Variants in MAGI3 observed in about 807,000 individuals in gnomAD.
MAGI3 encodes membrane-associated guanylate kinase, WW and PDZ domain-containing protein 3.
Under a neutral mutation model 121.8 loss-of-function variants are expected in MAGI3, and 43 were observed. That is an observed-to-expected ratio of 0.35 (90% confidence interval 0.28 to 0.46). MAGI3 has a LOEUF of 0.46. MAGI3 is among the 20% of genes least tolerant of loss of function. MAGI3 has a pLI of 1.00. For synonymous variants in MAGI3, 553 were observed against 639.3 expected (o/e 0.86, Z 2.04); for missense variants, 1,547 against 1,797.3 (o/e 0.86, Z 2.52).
intron 1 of MAGI3, chr1:113,404,467 CTAAT>C (rs1314045962): frequency 1.3e-5 from 2 of 152,028 alleles, no homozygotes; most frequent in African/African-American, 4.8e-5. Context: ...AAATTATTTC[CTAAT>C]TATTTGCCCA....
At chr1:113,565,411 T>C (rs1660401842) in intron 2 of MAGI3, among the ~76,000 whole-genome samples, 3 of 152,246 alleles carry the variant, frequency 2.0e-5, no homozygotes, top group African/African-American at 7.2e-5. Flanking sequence ...CTATTAAATA[T>C]ATTGCTTTTA....
At chr1:113,567,984 A>AT (rs1660501907) in intron 2 of MAGI3, among the ~76,000 whole-genome samples, 2 of 152,102 alleles carry the variant, frequency 1.3e-5, no homozygotes, top group Non-Finnish European at 2.9e-5. Flanking sequence ...TCTCAAAAGC[A>AT]TTATGCTAAG....
intron 5 of MAGI3, among the ~76,000 whole-genome samples, chr1:113,592,467 T>C (rs1485855573): frequency 6.6e-6 from 1 of 152,200 alleles, no homozygotes; most frequent in African/African-American, 2.4e-5. Flanking sequence ...AAGTTAAGCT[T>C]TTCTCAAGTG....
intron 6 of MAGI3, among the ~76,000 whole-genome samples, chr1:113,614,396 G>A (rs1033112840): frequency 2.0e-5 from 3 of 152,060 alleles, no homozygotes; most frequent in African/African-American, 7.2e-5. Flanking sequence ...GCCATCTTCT[G>A]TTCTGGGCTT....
At chr1:113,415,669 A>G (rs1220539325) in intron 1 of MAGI3, among the ~76,000 whole-genome samples, 3 of 151,998 alleles carry the variant, frequency 2.0e-5, no homozygotes, top group East Asian at 1.9e-4. Context: ...AAATCTTACA[A>G]GTGTGGACCC....
chr1:113,473,051 C>A (rs1349606919), intron 1 of MAGI3, among the ~76,000 whole-genome samples: 3 of 152,054 alleles, frequency 2.0e-5, no homozygotes, highest in African/African-American at 7.2e-5. Flanking sequence ...TTTTAAAATT[C>A]ATGTATTTTC....
chr1:113,468,238 A>G (rs561006852), intron 1 of MAGI3, among the ~76,000 whole-genome samples: 1 of 152,084 alleles, frequency 6.6e-6, no homozygotes, highest in Non-Finnish European at 1.5e-5. Context: ...ATATATAGTG[A>G]CTTAGTACTA....
At chr1:113,659,403 C>A in intron 16 of MAGI3, 138 bp downstream of exon 16, 1 of 730,930 alleles carries the variant, frequency 1.4e-6, no homozygotes, top group Non-Finnish European at 2.1e-6. Context: ...TTATTCTTCC[C>A]CTTTTCAATT....
chr1:113,682,368 T>C, intron 20 of MAGI3: 1 of 1,533,076 alleles, frequency 6.5e-7, no homozygotes, highest in Non-Finnish European at 8.7e-7. Flanking sequence ...AATGATGCTA[T>C]TAAATACATC....
intron 6 of MAGI3, among the ~76,000 whole-genome samples, chr1:113,602,142 C>T (rs1215136644): frequency 6.6e-6 from 1 of 151,986 alleles, no homozygotes; most frequent in Non-Finnish European, 1.5e-5. Context: ...TTAATGGGTG[C>T]AGCACACCAG....
At chr1:113,436,667 C>T (rs892437081) in intron 1 of MAGI3, among the ~76,000 whole-genome samples, 6 of 151,774 alleles carry the variant, frequency 4.0e-5, no homozygotes, top group Non-Finnish European at 7.4e-5. Flanking sequence ...TTTGGTGCTC[C>T]TTTAATGAAT....
chr1:113,452,944 A>G (rs573179448), intron 1 of MAGI3, among the ~76,000 whole-genome samples: 15 of 152,340 alleles, frequency 9.8e-5, no homozygotes, highest in African/African-American at 3.4e-4. Flanking sequence ...TCAACAAGCA[A>G]GAGTGGAATT....
At chr1:113,477,634 A>T (rs1655896925) in intron 1 of MAGI3, among the ~76,000 whole-genome samples, 1 of 152,028 alleles carries the variant, frequency 6.6e-6, no homozygotes, top group Non-Finnish European at 1.5e-5. Flanking sequence ...GGGTAACTCG[A>T]CCTTTCTCTC....
At chr1:113,546,306 C>T (rs1197052808) in intron 1 of MAGI3, among the ~76,000 whole-genome samples, 1 of 152,038 alleles carries the variant, frequency 6.6e-6, no homozygotes, top group South Asian at 2.1e-4. Context: ...TTTTTGAATA[C>T]TTGCAGATGT....
chr1:113,508,438 G>C (rs531077600), intron 1 of MAGI3, among the ~76,000 whole-genome samples: 9 of 152,094 alleles, frequency 5.9e-5, no homozygotes, highest in Non-Finnish European at 1.3e-4. Context: ...TTTCCTCATG[G>C]GCTCAAAGGT....
chr1:113,495,406 T>A (rs1286131375), intron 1 of MAGI3, among the ~76,000 whole-genome samples: 1 of 151,902 alleles, frequency 6.6e-6, no homozygotes, highest in Non-Finnish European at 1.5e-5. Context: ...TGGGTGTTGT[T>A]TGGTTACATG....
At chr1:113,611,083 T>A (rs919386938) in intron 6 of MAGI3, among the ~76,000 whole-genome samples, 2 of 150,952 alleles carry the variant, frequency 1.3e-5, no homozygotes, top group African/African-American at 2.4e-5. Context: ...ATTTTCATAA[T>A]TATTCTTTTT....
intron 16 of MAGI3, among the ~76,000 whole-genome samples, chr1:113,660,792 A>AG (rs1224258011): frequency 2.2e-5 from 3 of 136,164 alleles, no homozygotes; most frequent in Non-Finnish European, 3.1e-5. Context: ...TTTTTGAGAT[A>AG]GGGGTCTCAC....
intron 7 of MAGI3, among the ~76,000 whole-genome samples, chr1:113,616,242 A>G (rs1443046240): frequency 2.0e-5 from 3 of 152,238 alleles, no homozygotes; most frequent in Non-Finnish European, 2.9e-5. Flanking sequence ...CAGCAGCGAC[A>G]TGATTTTGTA....
Sources: gnomAD v4.1 joint callset for allele counts (sites outside exome capture counted in the v4.1 genomes callset) on GRCh38, gnomAD v4.1.1 for gene constraint, MANE v1.5 for transcripts, NCBI Gene and HGNC (gene_info 2026-07-23, HGNC 2026-07-21) for gene names.